The following RGS7 variants were observed in gnomAD, a reference collection of about 807,000 sequenced individuals.
RGS7 encodes regulator of G-protein signaling 7.
In RGS7, 27 loss-of-function variants were observed where a neutral mutation model predicts 81.1. That is an observed-to-expected ratio of 0.33 (90% CI 0.25 to 0.46). The LOEUF is 0.46. Ranked by LOEUF, RGS7 falls within the 20% of genes least tolerant of loss-of-function variation. The pLI, the probability that RGS7 is intolerant of heterozygous loss-of-function variation, is 1.00. For synonymous variants in RGS7, 208 were observed against 207.7 expected, an observed-to-expected ratio of 1.00 and a Z score of -0.01; for missense variants, 396 against 607.4, an observed-to-expected ratio of 0.65 and a Z score of 3.66.
intron 9 of RGS7, among the ~76,000 whole-genome samples, chr1:240,867,177 G>A (rs1462608732): frequency 6.6e-6 from 1 of 152,162 alleles, no homozygotes; most frequent in Non-Finnish European, 1.5e-5. Context: ...ATTCAAAAGA[G>A]AGAACAAATT....
At chr1:240,993,960 A>T (rs1027864129) in intron 3 of RGS7, among the ~76,000 whole-genome samples, 2 of 152,124 alleles carry the variant, frequency 1.3e-5, no homozygotes, top group Non-Finnish European at 2.9e-5. Flanking sequence ...TTGCTTTTCC[A>T]TGTTTGTCAA....
At chr1:240,814,602 C>G in intron 12 of RGS7, 114 bp downstream of exon 12, 1 of 721,804 alleles carries the variant, frequency 1.4e-6, no homozygotes, top group Non-Finnish European at 2.5e-6. Context: ...ACATTACTTA[C>G]AGGATTCCAA....
chr1:240,874,845 A>T (rs1665096700), intron 6 of RGS7, among the ~76,000 whole-genome samples: 1 of 152,096 alleles, frequency 6.6e-6, no homozygotes, highest in African/African-American at 2.4e-5. Context: ...GCTCGAGACC[A>T]ACCTGGCCAA....
At position 241,314,061 on chromosome 1, in the gene RGS7, T is replaced by C. The variant is rs536355088; in HGVS notation, c.78+41638A>G. 2.5e-4 allele frequency among the ~76,000 whole-genome samples: 38 copies of C among 152,346 alleles called. No individual in the cohort carries two copies. The South Asian group carries it at 7.7e-3, about 31-fold the overall frequency. On this transcript the variant is annotated intron_variant, in intron 2 of 18. Coordinates refer to ENST00000440928, the MANE Select transcript of RGS7 (RefSeq NM_001364886.1). ...TTTTTGAGATGGAATCTACTCCTAG[T>C]GAAGACGCTATGAACATTTTTGAAA...
At chr1:240,892,530 C>A (rs261807) in intron 6 of RGS7, among the ~76,000 whole-genome samples, 1 of 151,966 alleles carries the variant, frequency 6.6e-6, no homozygotes, top group Non-Finnish European at 1.5e-5. Flanking sequence ...TTTCTTACTG[C>A]TGTTAAGTTG....
At chr1:240,886,752 G>A (rs1306087683) in intron 6 of RGS7, among the ~76,000 whole-genome samples, 1 of 152,142 alleles carries the variant, frequency 6.6e-6, no homozygotes, top group African/African-American at 2.4e-5. Flanking sequence ...ATAGAAAAAG[G>A]GCAATTTTCA....
Position 240,891,505 on chromosome 1 carries a change from T to C in RGS7, c.386-21386A>G, listed in dbSNP as rs6681735. 7.2e-3 allele frequency among the ~76,000 whole-genome samples: 1,101 copies of C among 152,306 alleles called. 15 individuals are homozygous for C. Among genetic ancestry groups the C allele is most frequent in the African/African-American group, 0.025 (1,056 of 41,572 alleles). ...ATTTCTTCAAGCTATATTTAAAATATATTAAGTAAGAAATTAAAATGAAGT... is the reference window on the plus strand; with the variant it reads ...ATTTCTTCAAGCTATATTTAAAATACATTAAGTAAGAAATTAAAATGAAGT... On this transcript the variant is annotated intron_variant, in intron 6 of 18. Transcript: ENST00000440928.
At chr1:240,878,910 GT>G (rs147372893) in intron 6 of RGS7, among the ~76,000 whole-genome samples, 2,726 of 152,040 alleles carry the variant, frequency 0.018, 74 homozygotes, top group African/African-American at 0.063. Flanking sequence ...AAATACACAA[GT>G]TTTTTTTCTT....
intron 3 of RGS7, among the ~76,000 whole-genome samples, chr1:241,059,920 T>C (rs1305891156): frequency 6.7e-6 from 1 of 150,128 alleles, no homozygotes; most frequent in Admixed American, 6.6e-5. Flanking sequence ...GCCAGAAATC[T>C]GGACATTAGT....
chr1:241,085,700 C>T (rs945296811), intron 3 of RGS7, among the ~76,000 whole-genome samples: 2 of 152,170 alleles, frequency 1.3e-5, no homozygotes, highest in Non-Finnish European at 2.9e-5. Flanking sequence ...TCCCAAAGTG[C>T]TGGGATTACA....
At chr1:241,076,196 G>A (rs531564350) in intron 3 of RGS7, among the ~76,000 whole-genome samples, 15 of 151,982 alleles carry the variant, frequency 9.9e-5, no homozygotes, top group South Asian at 4.2e-4. Context: ...CAGGTTTTAC[G>A]TTTCTCGAAT....
chr1:241,085,586 G>A (rs935479483), intron 3 of RGS7, among the ~76,000 whole-genome samples: 35 of 142,538 alleles, frequency 2.5e-4, no homozygotes, highest in Middle Eastern at 6.9e-3. Context: ...CATCATGCCC[G>A]GCTAATTTTT....
At chr1:240,835,063 G>A (rs1026869677) in intron 9 of RGS7, among the ~76,000 whole-genome samples, 1 of 151,946 alleles carries the variant, frequency 6.6e-6, no homozygotes. Context: ...TGACTTTTTA[G>A]ATACCCTATC....
At chr1:241,246,176 C>A (rs2148178126) in intron 2 of RGS7, among the ~76,000 whole-genome samples, 1 of 152,074 alleles carries the variant, frequency 6.6e-6, no homozygotes, top group Non-Finnish European at 1.5e-5. Flanking sequence ...ACTGGGCAAG[C>A]TATCTCAAAG....
chr1:240,892,684 G>A (rs1668464388), intron 6 of RGS7, among the ~76,000 whole-genome samples: 1 of 152,088 alleles, frequency 6.6e-6, no homozygotes, highest in Admixed American at 6.6e-5. Flanking sequence ...GCTCACTGTT[G>A]AAACTGTGTC....
intron 2 of RGS7, among the ~76,000 whole-genome samples, chr1:241,251,392 G>C (rs2076818678): frequency 6.6e-6 from 1 of 152,196 alleles, no homozygotes; most frequent in South Asian, 2.1e-4. Context: ...ATATGATTGT[G>C]AGGAAGAAAA....
chr1:241,191,653 T>C (rs1253440333), intron 2 of RGS7, among the ~76,000 whole-genome samples: 1 of 152,236 alleles, frequency 6.6e-6, no homozygotes, highest in Non-Finnish European at 1.5e-5. Context: ...CTCTTTTGTC[T>C]GGAAGAGATT....
chr1:240,858,967 T>C (rs997666203), intron 9 of RGS7, among the ~76,000 whole-genome samples: 2 of 152,150 alleles, frequency 1.3e-5, no homozygotes, highest in African/African-American at 4.8e-5. Flanking sequence ...GCAATGACTT[T>C]GTTTGCTTTG....
At chr1:241,020,403 T>C (rs2059480366) in intron 3 of RGS7, among the ~76,000 whole-genome samples, 1 of 152,164 alleles carries the variant, frequency 6.6e-6, no homozygotes, top group Non-Finnish European at 1.5e-5. Flanking sequence ...CTTTTCCAGC[T>C]TCTAGTGGCT....
Sources: allele counts gnomAD v4.1 joint callset (sites outside exome capture counted in the v4.1 genomes callset), GRCh38; gene constraint gnomAD v4.1.1; transcripts MANE v1.5; gene names NCBI Gene and HGNC (gene_info 2026-07-23, HGNC 2026-07-21).